The following LYN variants were observed in gnomAD, a reference collection of about 807,000 sequenced individuals.
LYN encodes the protein LYN proto-oncogene, Src family tyrosine kinase, also known as tyrosine-protein kinase Lyn.
Under a neutral mutation model 65.0 loss-of-function variants are expected in LYN, and 12 were observed. That is an observed-to-expected ratio of 0.18 (90% CI 0.12 to 0.30). LYN has a LOEUF of 0.30. Ranked by LOEUF, LYN falls within the 10% of genes least tolerant of loss-of-function variation. LYN has a pLI of 1.00. For missense variants in LYN, 380 were observed against 623.2 expected, an observed-to-expected ratio of 0.61 and a Z score of 4.16; for synonymous variants, 222 against 221.2, an observed-to-expected ratio of 1.00 and a Z score of -0.03.
In LYN at chr8:55,911,180, T is replaced by TGTAC. The variant is rs1554576210; in HGVS notation, c.-5-30675_-5-30674insGTAC. Among the ~76,000 whole-genome samples the TGTAC allele has an allele frequency of 1.8e-4, 4 of 22,338 alleles. 2 individuals are homozygous for TGTAC. Among genetic ancestry groups the TGTAC allele is most frequent in the Non-Finnish European group, 4.6e-4 (4 of 8,716 alleles). 14.7% of individuals were successfully genotyped at this position (22,338 alleles called of 152,430 possible). On this transcript the variant is annotated intron_variant, in intron 1 of 12. Transcript: ENST00000519728. The stretch of plus-strand genomic sequence containing the variant: ...ATGTACATATATATACACGTATATA[T>TGTAC]ATATATATACACACACACATATATA...
intron 1 of LYN, among the ~76,000 whole-genome samples, chr8:55,927,191 A>G (rs1033899825): frequency 6.6e-6 from 1 of 152,214 alleles, no homozygotes; most frequent in Non-Finnish European, 1.5e-5. Flanking sequence ...ATTCACCATT[A>G]CAGTCATATA....
intron 2 of LYN, among the ~76,000 whole-genome samples, chr8:55,944,835 G>A (rs1218901659): frequency 1.3e-5 from 2 of 152,156 alleles, no homozygotes; most frequent in African/African-American, 4.8e-5. Context: ...AAAAGTCAAG[G>A]AGAATAGTGT....
In LYN at chr8:56,009,284, G is replaced by T. The variant is rs114953482; in HGVS notation, c.1337-624G>T. Among the ~76,000 whole-genome samples the T allele has an allele frequency of 6.5e-3, 982 of 152,236 alleles. 11 individuals carry two copies. The highest frequency in any genetic ancestry group is 0.023 in the African/African-American group (940 of 41,528). ...ATCCTTTTGTTATTAAAGAGAACTT[G>T]GCTGTGGCTCCTACTTAACAAATTT... On this transcript the variant is annotated intron_variant, in intron 12 of 12. Coordinates refer to ENST00000519728, the MANE Select transcript of LYN (RefSeq NM_002350.4).
At chr8:56,006,017 T>G (rs1808663539) in intron 12 of LYN, among the ~76,000 whole-genome samples, 1 of 151,814 alleles carries the variant, frequency 6.6e-6, no homozygotes, top group Admixed American at 6.6e-5. Context: ...CCAGGGAGTT[T>G]GAGGCTGCAG....
At chr8:55,886,690 GC>G (rs756838222) in intron 1 of LYN, among the ~76,000 whole-genome samples, 100 of 152,302 alleles carry the variant, frequency 6.6e-4, no homozygotes, top group Non-Finnish European at 1.2e-3. Context: ...GGGGAATGTG[GC>G]CTGGAGCAGC....
intron 1 of LYN, among the ~76,000 whole-genome samples, chr8:55,910,621 G>C (rs1256663793): frequency 6.6e-6 from 1 of 152,106 alleles, no homozygotes; most frequent in Non-Finnish European, 1.5e-5. Flanking sequence ...GATTGCTTTG[G>C]TATTTGTGCT....
At chr8:55,966,996 C>A (rs1807478278) in intron 9 of LYN, 99 bp downstream of exon 9, 3 of 1,113,946 alleles carry the variant, frequency 2.7e-6, no homozygotes, top group Non-Finnish European at 3.8e-6. Context: ...AATTATCAAA[C>A]AGTATACCCA....
chr8:55,903,155 G>T (rs1477692984), intron 1 of LYN, among the ~76,000 whole-genome samples: 1 of 151,834 alleles, frequency 6.6e-6, no homozygotes, highest in Non-Finnish European at 1.5e-5. Flanking sequence ...CCTACGCCCA[G>T]CTAATTTTTA....
intron 1 of LYN, among the ~76,000 whole-genome samples, chr8:55,925,608 C>T (rs897315714): frequency 6.6e-6 from 1 of 152,122 alleles, no homozygotes; most frequent in African/African-American, 2.4e-5. Context: ...CCACCACAGC[C>T]ATGCGGGGAT....
At chr8:55,916,548 C>T (rs949213627) in intron 1 of LYN, among the ~76,000 whole-genome samples, 2 of 152,182 alleles carry the variant, frequency 1.3e-5, no homozygotes, top group African/African-American at 2.4e-5. Flanking sequence ...TACACTGCAA[C>T]AACTGTTTTA....
intron 1 of LYN, among the ~76,000 whole-genome samples, chr8:55,927,064 C>G (rs1469596812): frequency 6.6e-6 from 1 of 152,160 alleles, no homozygotes; most frequent in Admixed American, 6.5e-5. Flanking sequence ...TAGTGTGGTA[C>G]ATTTGTTATC....
In LYN at chr8:55,899,461, A is replaced by G. The variant is rs117291131; in HGVS notation, c.-6+19358A>G. The stretch of plus-strand genomic sequence containing the variant: ...GTTTATCAAGCAGACTTTATACATT[A>G]ACATAAATGTAAACGCAGGAATAAG... On this transcript the variant is annotated intron_variant, in intron 1 of 12. Transcript: ENST00000519728. Among the ~76,000 whole-genome samples, 37 of 152,358 alleles carry G rather than the reference A, an allele frequency of 2.4e-4. 1 individual carries two copies. In the East Asian group the frequency reaches 6.5e-3, roughly 27 times the overall value.
intron 10 of LYN, among the ~76,000 whole-genome samples, chr8:55,977,615 G>A (rs1320717794): frequency 1.3e-5 from 2 of 151,992 alleles, no homozygotes; most frequent in Non-Finnish European, 2.9e-5. Flanking sequence ...TTGTGTTCTA[G>A]CCCAGAGCTC....
intron 1 of LYN, among the ~76,000 whole-genome samples, chr8:55,935,986 CTT>C (rs1296459725): frequency 8.5e-5 from 13 of 152,056 alleles, no homozygotes; most frequent in African/African-American, 3.1e-4. Flanking sequence ...CTTCTGAAGA[CTT>C]TGTTTCTCTA....
intron 1 of LYN, among the ~76,000 whole-genome samples, chr8:55,884,272 T>C (rs1804728039): frequency 6.6e-6 from 1 of 152,116 alleles, no homozygotes; most frequent in African/African-American, 2.4e-5. Flanking sequence ...ACCCAGCTAA[T>C]TTTTGTATTT....
intron 8 of LYN, among the ~76,000 whole-genome samples, chr8:55,960,010 G>A (rs1178246793): frequency 6.6e-6 from 1 of 152,140 alleles, no homozygotes; most frequent in Non-Finnish European, 1.5e-5. Flanking sequence ...AGGGCTGGGG[G>A]GCCTGGGAGT....
intron 9 of LYN, 127 bp downstream of exon 9, chr8:55,967,024 A>C (rs1807479826): frequency 1.2e-6 from 1 of 823,002 alleles, no homozygotes; most frequent in African/African-American, 1.7e-5. Flanking sequence ...AAAATCAGGA[A>C]ATATGGGAAG....
At chr8:56,000,069 G>T in intron 12 of LYN, among the ~76,000 whole-genome samples, 1 of 152,122 alleles carries the variant, frequency 6.6e-6, no homozygotes, top group East Asian at 1.9e-4. Flanking sequence ...TTGAGTGTGT[G>T]TTCTTGTTCT....
At chr8:55,987,272 G>A (rs1327427314) in intron 10 of LYN, among the ~76,000 whole-genome samples, 3 of 151,974 alleles carry the variant, frequency 2.0e-5, no homozygotes, top group Non-Finnish European at 4.4e-5. Context: ...AATTAGCTGA[G>A]TGTGGTGGCG....
Sources: allele counts gnomAD v4.1 joint callset (sites outside exome capture counted in the v4.1 genomes callset), GRCh38; gene constraint gnomAD v4.1.1; transcripts MANE v1.5; gene names NCBI Gene and HGNC (gene_info 2026-07-23, HGNC 2026-07-21).